ORMDL1: variants seen among roughly 807,000 people sequenced by gnomAD.
ORMDL1 encodes the protein ORMDL sphingolipid biosynthesis regulator 1, also known as ORM1-like protein 1.
A neutral mutation model predicts 13.0 loss-of-function variants in ORMDL1; 10 were observed. The observed-to-expected ratio is 0.77, with a 90% CI of 0.47 to 1.30. The LOEUF is 1.30. ORMDL1 is among the 50% of genes most tolerant of loss of function. ORMDL1 has a pLI of 0.00. For synonymous variants in ORMDL1, 61 were observed against 63.9 expected (o/e 0.95, Z 0.22); for missense variants, 171 against 186.7 (o/e 0.92, Z 0.49).
rs186057051 is a variant in ORMDL1, at chr2:189,781,161, G to C, written c.174+1261C>G. On this transcript the variant is annotated intron_variant, in intron 3 of 4. Coordinates refer to ENST00000392349, the MANE Select transcript of ORMDL1 (RefSeq NM_016467.5). ...TGGTCTTGAAATCCTGAGCTCAAGT[G>C]ATCTGTCCACCTCAGCCTCCCAAAG... Among the ~76,000 whole-genome samples the C allele has an allele frequency of 8.5e-5, 13 of 152,162 alleles. 1 individual carries two copies. In the East Asian group the frequency reaches 2.5e-3, roughly 29 times the overall value.
downstream of ORMDL1, among the ~76,000 whole-genome samples, chr2:189,767,887 A>G (rs1183658911): frequency 6.6e-6 from 1 of 152,222 alleles, no homozygotes; most frequent in East Asian, 1.9e-4. Context: ...TAAATACTAT[A>G]AACAACTTCT....
chr2:189,779,063 AGCTACTTGGAAG>A (rs1479103323), intron 3 of ORMDL1, among the ~76,000 whole-genome samples: 1 of 152,072 alleles, frequency 6.6e-6, no homozygotes, highest in African/African-American at 2.4e-5. Context: ...CTATAGTCCT[AGCTACTTGGAAG>A]GCTGAGGCAG....
chr2:189,775,454 T>C (rs912996228), intron 4 of ORMDL1, 111 bp downstream of exon 4: 1 of 1,191,920 alleles, frequency 8.4e-7, no homozygotes, highest in South Asian at 1.6e-5. Context: ...GAGGTGCTAC[T>C]TATTGATAGA....
At chr2:189,768,127 ATT>A (rs2047512988), downstream of ORMDL1, among the ~76,000 whole-genome samples, 2 of 152,146 alleles carry the variant, frequency 1.3e-5, no homozygotes, top group African/African-American at 4.8e-5. Flanking sequence ...GATACATCTC[ATT>A]CTTTTCTTTT....
downstream of ORMDL1, among the ~76,000 whole-genome samples, chr2:189,765,851 T>TC (rs2047474718): frequency 1.4e-5 from 1 of 71,630 alleles, no homozygotes; most frequent in South Asian, 6.3e-4. Context: ...TTTTTTTTTT[T>TC]TTTTTTTTTT....
At chr2:189,780,429 G>A (rs1236340342) in intron 3 of ORMDL1, among the ~76,000 whole-genome samples, 1 of 152,198 alleles carries the variant, frequency 6.6e-6, no homozygotes, top group Non-Finnish European at 1.5e-5. Context: ...ATCAGATTGT[G>A]GGTGGTAAGG....
At chr2:189,778,111 AG>A (rs2047737667) in intron 3 of ORMDL1, 1 of 445,632 alleles carries the variant, frequency 2.2e-6, no homozygotes, top group East Asian at 7.0e-5. Flanking sequence ...GTGGTGGTAC[AG>A]GGATGGCATC....
chr2:189,773,930 C>A (rs1325117444), intron 4 of ORMDL1: 1 of 152,064 alleles, frequency 6.6e-6, no homozygotes, highest in Non-Finnish European at 1.5e-5. Flanking sequence ...ACACTGTATA[C>A]AGGTACATCT....
In ORMDL1 at chr2:189,782,411, G is replaced by A. The variant is rs560125648; in HGVS notation, c.174+11C>T. 1.2e-6 allele frequency: 2 copies of A among 1,604,974 alleles called. No homozygotes were observed. Among genetic ancestry groups the A allele is most frequent in the African/African-American group, 1.3e-5 (1 of 74,784 alleles). ...AACTTTTAAGTGTTTAGTATAATGTGAAATTCTTACCAGATTATGTATAAT... is the reference window on the plus strand; with the variant it reads ...AACTTTTAAGTGTTTAGTATAATGTAAAATTCTTACCAGATTATGTATAAT... On this transcript the variant is annotated intron_variant, in intron 3 of 4. Coordinates refer to ENST00000392349, the MANE Select transcript of ORMDL1 (RefSeq NM_016467.5).
chr2:189,773,167 G>C (rs2047615936), intron 4 of ORMDL1, among the ~76,000 whole-genome samples: 1 of 152,140 alleles, frequency 6.6e-6, no homozygotes, highest in South Asian at 2.1e-4. Context: ...CTATAACCTA[G>C]CATATGTCCC....
chr2:189,779,508 T>C (rs1167940923), intron 3 of ORMDL1, among the ~76,000 whole-genome samples: 1 of 152,222 alleles, frequency 6.6e-6, no homozygotes, highest in Non-Finnish European at 1.5e-5. Flanking sequence ...ATTTTCTTTA[T>C]TGCTAGTGTA....
chr2:189,769,524 A>C (rs1214236793), downstream of ORMDL1, among the ~76,000 whole-genome samples: 1 of 152,130 alleles, frequency 6.6e-6, no homozygotes, highest in Non-Finnish European at 1.5e-5. Context: ...GCCTCTTAGG[A>C]TCTTTATAAT....
rs539552533 is a variant in ORMDL1 at position 189,780,196 on chromosome 2, G to A, written c.174+2226C>T. 4.6e-5 allele frequency among the ~76,000 whole-genome samples: 7 copies of A among 152,304 alleles called. No individual in the cohort carries two copies. In the East Asian group the frequency reaches 1.3e-3, roughly 29 times the overall value. ...TAGTATCTTTAATAATTTTGTGCAT[G>A]AAATAAAGTTTTGATTGCATTTTAA... On this transcript the variant is annotated intron_variant, in intron 3 of 4. Transcript: ENST00000392349.
intron 4 of ORMDL1, among the ~76,000 whole-genome samples, chr2:189,774,480 C>CG (rs2047650187): frequency 6.6e-6 from 1 of 152,190 alleles, no homozygotes; most frequent in Non-Finnish European, 1.5e-5. Flanking sequence ...CCTAGTCTCT[C>CG]TTAAGTTCTA....
downstream of ORMDL1, among the ~76,000 whole-genome samples, chr2:189,769,304 T>C (rs2047532906): frequency 6.6e-6 from 1 of 152,014 alleles, no homozygotes. Context: ...GGAGAATTGC[T>C]TGAACACAGG....
Position 189,771,830 on chromosome 2 carries a change from A to G in ORMDL1, c.399T>C (p.Ser133=). The G allele has an allele frequency of 1.9e-6, 3 of 1,611,516 alleles. No individual in the cohort carries two copies. Among genetic ancestry groups the G allele is most frequent in the Non-Finnish European group, 1.7e-6 (2 of 1,178,102 alleles). Residue 133 remains serine, a synonymous_variant, in exon 5 of 5, where the codon AGT becomes AGC. Transcript: ENST00000392349. ...HFILNTASLL[S]VLIPKMPQLH... is the part of the protein sequence containing the mutation. ...GTTGTGGCATTTTGGGAATTAGTAC[A>G]CTCAGGAGAGAAGCTGTGTTTAGGA... is the stretch of plus-strand genomic sequence containing the variant.
chr2:189,764,689 C>T, the ORMDL1 span, among the ~76,000 whole-genome samples: 1 of 152,060 alleles, frequency 6.6e-6, no homozygotes, highest in Non-Finnish European at 1.5e-5. Context: ...AAAATATGGC[C>T]TATGTAAGTT....
chr2:189,783,465 A>C (rs191726541), intron 1 of ORMDL1: 92 of 152,318 alleles, frequency 6.0e-4, no homozygotes, highest in Admixed American at 4.8e-3. Context: ...TGATTTTAAA[A>C]TACACAAACG....
intron 4 of ORMDL1, among the ~76,000 whole-genome samples, chr2:189,772,657 A>G (rs1428144783): frequency 6.6e-6 from 1 of 152,256 alleles, no homozygotes; most frequent in Non-Finnish European, 1.5e-5. Context: ...TACTAACAGA[A>G]TAATACAGAT....
Sources: allele counts gnomAD v4.1 joint callset (sites outside exome capture counted in the v4.1 genomes callset), GRCh38; gene constraint gnomAD v4.1.1; transcripts MANE v1.5; gene names NCBI Gene and HGNC (gene_info 2026-07-23, HGNC 2026-07-21).